Variants in ACSF3 observed in about 807,000 individuals in gnomAD.
The protein encoded by ACSF3 is acyl-CoA synthetase family member 3, also known as malonate--CoA ligase ACSF3, mitochondrial.
ACSF3 carries 78 observed loss-of-function variants against 53.2 expected under a neutral mutation model. The observed-to-expected ratio is 1.47, with a 90% CI of 1.22 to 1.77. The LOEUF (loss-of-function observed/expected upper bound fraction) is 1.77. ACSF3 is among the 40% of genes most tolerant of loss of function. ACSF3 has a pLI of 0.00. For synonymous variants in ACSF3, 414 were observed against 333.1 expected, an observed-to-expected ratio of 1.24 and a Z score of -2.65; for missense variants, 937 against 771.1, an observed-to-expected ratio of 1.22 and a Z score of -2.55.
chr16:89,107,370 C>T (rs937753252), intron 4 of ACSF3, among the ~76,000 whole-genome samples: 2 of 152,176 alleles, frequency 1.3e-5, no homozygotes, highest in African/African-American at 2.4e-5. Flanking sequence ...ATGCTGTCCC[C>T]GCCTCAGCAC....
At chr16:89,126,799 A>AT in intron 7 of ACSF3, among the ~76,000 whole-genome samples, 1 of 152,342 alleles carries the variant, frequency 6.6e-6, no homozygotes, top group South Asian at 2.1e-4. Context: ...CAAAGCCCTG[A>AT]CTAGGACTTC....
At chr16:89,137,473 TCACGGGGAAAGA>T in intron 8 of ACSF3, among the ~76,000 whole-genome samples, 2 of 121,888 alleles carry the variant, frequency 1.6e-5, no homozygotes, top group South Asian at 3.0e-4. Context: ...CACCAGGAGC[TCACGGGGAAAGA>T]TTGAGGGGAA....
chr16:89,141,498 G>A (rs564447925), intron 8 of ACSF3, among the ~76,000 whole-genome samples: 1 of 152,364 alleles, frequency 6.6e-6, no homozygotes, highest in Non-Finnish European at 1.5e-5. Flanking sequence ...TGGGGCAGAG[G>A]GGCCATGTTT....
At chr16:89,097,200 C>T (rs1161804882) in intron 1 of ACSF3, among the ~76,000 whole-genome samples, 3 of 152,240 alleles carry the variant, frequency 2.0e-5, no homozygotes, top group African/African-American at 7.2e-5. Flanking sequence ...ACCGTGTGCA[C>T]AGCACGAGCT....
Position 89,100,740 on chromosome 16 carries a change from G to C in ACSF3, c.59G>C (p.Arg20Pro). The change falls in exon 3 of 11, where the codon CGG (arginine) becomes CCG (proline). Residue 20 changes from arginine to proline, a missense_variant. Physicochemically the swap from Arg to Pro is moderately radical, Grantham distance 103. Coordinates refer to ENST00000614302, the MANE Select transcript of ACSF3 (RefSeq NM_001243279.3). Reference sequence around the variant, plus strand: ...CTGGGCTGCGCCTTGGCGTCCTGCCGGCTGGCGCCTGCGAGACACAGAGGA... The same window carrying C: ...CTGGGCTGCGCCTTGGCGTCCTGCCCGCTGGCGCCTGCGAGACACAGAGGA... Reference protein sequence around the residue: ...RRLGCALASCRLAPARHRGSG... With the variant: ...RRLGCALASCPLAPARHRGSG... 12 of 1,605,496 alleles carry C rather than the reference G, an allele frequency of 7.5e-6. No homozygotes were observed. The highest frequency in any genetic ancestry group is 1.0e-5 in the Non-Finnish European group (12 of 1,179,764).
intron 4 of ACSF3, among the ~76,000 whole-genome samples, chr16:89,107,725 A>C (rs6500532): frequency 0.92 from 140,162 of 152,270 alleles, 64,796 homozygotes; most frequent in African/African-American, 0.95. Flanking sequence ...TGGATCCGCA[A>C]CTCCCAGTGC....
intron 7 of ACSF3, among the ~76,000 whole-genome samples, chr16:89,124,437 G>GTGTGTGATACCCGTGCGTACTCTGCGCA (rs1907507765): frequency 6.6e-6 from 1 of 151,044 alleles, no homozygotes; most frequent in Non-Finnish European, 1.5e-5. Context: ...CTGTGCGTAT[G>GTGTGTGATACCCGTGCGTACTCTGCGCA]TGTGTGATAC....
At chr16:89,125,978 A>G (rs28417743) in intron 7 of ACSF3, among the ~76,000 whole-genome samples, 87 of 10,324 alleles carry the variant, frequency 8.4e-3, no homozygotes, top group African/African-American at 0.029. Context: ...TTAGATCCGC[A>G]AACACGGTAT....
chr16:89,117,759 G>T (rs1045920981), intron 6 of ACSF3, among the ~76,000 whole-genome samples: 2 of 152,128 alleles, frequency 1.3e-5, no homozygotes, highest in Admixed American at 6.5e-5. Flanking sequence ...ACTCCTAGGC[G>T]AACAGGAAGG....
In ACSF3 at chr16:89,101,021, G is replaced by T. The variant is rs761267255; in HGVS notation, c.340G>T (p.Ala114Ser). The change falls in exon 3 of 11, where the codon GCG becomes TCG. Residue 114 changes from alanine (A) to serine (S), a missense_variant. Coordinates refer to ENST00000614302, the MANE Select transcript of ACSF3 (RefSeq NM_001243279.3). ...NDASYVVAQW[A>S]SWMSGGVAVP... is the part of the protein sequence containing the mutation. ...TGCCTCCTACGTCGTGGCCCAGTGG[G>T]CGTCATGGATGAGTGGCGGTGTGGC... is the stretch of plus-strand genomic sequence containing the variant. The T allele has an allele frequency of 6.2e-7, 1 of 1,613,884 alleles. No homozygotes were observed. The highest frequency in any genetic ancestry group is 1.1e-5 in the South Asian group (1 of 91,086).
Position 89,120,847 on chromosome 16 carries a change from A to C in ACSF3, c.1173A>C (p.Ser391=). The change falls in exon 7 of 11, where the codon TCA becomes TCC. Residue 391 remains serine, a synonymous_variant. Transcript: ENST00000614302. ...CTGGAGTACAGGTGCGCATTGTCTC[A>C]GAAAACCCACAGAGGGAAGCCTGCT... ...PLPGVQVRIV[S]ENPQREACSY... 6.2e-7 allele frequency: 1 copy of C among 1,614,132 alleles called. No individual in the cohort carries two copies. The highest frequency in any genetic ancestry group is 8.5e-7 in the Non-Finnish European group (1 of 1,180,004).
chr16:89,152,261 C>G (rs564748169), intron 10 of ACSF3: 1 of 152,392 alleles, frequency 6.6e-6, no homozygotes, highest in African/African-American at 2.4e-5. Flanking sequence ...GCCATGTTCC[C>G]TTTCAGTCTG....
At chr16:89,135,685 C>T (rs562439849) in intron 8 of ACSF3, among the ~76,000 whole-genome samples, 58 of 152,376 alleles carry the variant, frequency 3.8e-4, no homozygotes, top group African/African-American at 1.1e-3. Context: ...TTACAGGAAC[C>T]GGACTTGAGC....
intron 1 of ACSF3, among the ~76,000 whole-genome samples, chr16:89,097,233 G>A (rs141412928): frequency 4.6e-5 from 7 of 152,336 alleles, no homozygotes; most frequent in Non-Finnish European, 1.0e-4. Context: ...GTCAGAACTC[G>A]GTTCTTTGTG....
At chr16:89,096,224 G>T (rs973932736) in intron 1 of ACSF3, among the ~76,000 whole-genome samples, 1 of 90,278 alleles carries the variant, frequency 1.1e-5, no homozygotes, top group Non-Finnish European at 2.7e-5. Flanking sequence ...CGTAGCAGGG[G>T]TATGAAGCTG....
rs1906459931 is a variant in ACSF3 at position 89,120,825 on chromosome 16, G to A, written c.1151G>A (p.Gly384Glu). The A allele has an allele frequency of 2.5e-6, 4 of 1,613,992 alleles. 1 individual carries two copies. The African/African-American group carries it at 5.3e-5, about 22-fold the overall frequency. The change falls in exon 7 of 11, where the codon GGA becomes GAA. Residue 384 changes from glycine to glutamate, a missense_variant. Gly to Glu is a moderately conservative substitution (Grantham distance 98, BLOSUM62 -2). Coordinates refer to ENST00000614302, the MANE Select transcript of ACSF3 (RefSeq NM_001243279.3). ...GGTTCCGTGGGGACCCCACTGCCTG[G>A]AGTACAGGTGCGCATTGTCTCAGAA... Reference protein sequence around the residue: ...LPGSVGTPLPGVQVRIVSENP... With the variant: ...LPGSVGTPLPEVQVRIVSENP...
chr16:89,100,397 T>G (rs1301054515), intron 2 of ACSF3, among the ~76,000 whole-genome samples: 1 of 152,240 alleles, frequency 6.6e-6, no homozygotes, highest in East Asian at 1.9e-4. Flanking sequence ...TTTACCTAGT[T>G]TATTTCATTG....
intron 1 of ACSF3, among the ~76,000 whole-genome samples, chr16:89,096,883 C>A (rs1974681388): frequency 6.6e-6 from 1 of 152,238 alleles, no homozygotes; most frequent in Non-Finnish European, 1.5e-5. Flanking sequence ...CGGGGCCAGT[C>A]ACATCTGTCA....
At chr16:89,112,070 G>A (rs562434195) in intron 4 of ACSF3, 22 bp from the exon 5 acceptor site, 56 of 1,613,956 alleles carry the variant, frequency 3.5e-5, no homozygotes, top group South Asian at 2.9e-4. Context: ...TCTTCCTACC[G>A]AGTGCTTCCT....
Sources: gnomAD v4.1 joint callset for allele counts (sites outside exome capture counted in the v4.1 genomes callset) on GRCh38, gnomAD v4.1.1 for gene constraint, MANE v1.5 for transcripts, NCBI Gene and HGNC (gene_info 2026-07-23, HGNC 2026-07-21) for gene names.